The following UBE2D3 variants were observed in gnomAD, a reference collection of about 807,000 sequenced individuals.
UBE2D3 encodes the protein ubiquitin conjugating enzyme E2 D3, also known as ubiquitin-conjugating enzyme E2 D3.
UBE2D3 carries 2 observed loss-of-function variants against 22.8 expected under a neutral mutation model. The observed-to-expected ratio is 0.09, with a 90% CI of 0.04 to 0.28. The LOEUF (loss-of-function observed/expected upper bound fraction) is 0.28, where lower values mean the gene tolerates loss of function less well. Ranked by LOEUF, UBE2D3 falls within the 10% of genes least tolerant of loss-of-function variation. The pLI is 1.00. For missense variants in UBE2D3, 27 were observed against 182.5 expected (o/e 0.15, Z 4.91); for synonymous variants, 56 against 60.4 (o/e 0.93, Z 0.34).
chr4:102,855,510 T>G (rs1341844515), intron 1 of UBE2D3, among the ~76,000 whole-genome samples: 1 of 152,204 alleles, frequency 6.6e-6, no homozygotes, highest in Admixed American at 6.5e-5. Context: ...AGCCTTGAAC[T>G]CTTGGGCTCA....
chr4:102,825,470 T>G, intron 2 of UBE2D3: 3 of 1,152,602 alleles, frequency 2.6e-6, no homozygotes, highest in Non-Finnish European at 3.2e-6. Context: ...CAAATCATAT[T>G]AATTCACATT....
intron 2 of UBE2D3, chr4:102,819,496 A>G (rs1578255403): frequency 1.1e-6 from 1 of 926,968 alleles, no homozygotes; most frequent in East Asian, 1.2e-4. Context: ...CTTTCTTTCA[A>G]TGACAGCCAG....
intron 1 of UBE2D3, among the ~76,000 whole-genome samples, chr4:102,834,328 T>A (rs894949735): frequency 1.3e-5 from 2 of 152,188 alleles, no homozygotes; most frequent in Non-Finnish European, 2.9e-5. Context: ...TATATGATTA[T>A]AAGCAGGCAG....
chr4:102,804,148 T>C (rs1726642731), intron 4 of UBE2D3, among the ~76,000 whole-genome samples: 1 of 151,454 alleles, frequency 6.6e-6, no homozygotes, highest in African/African-American at 2.4e-5. Context: ...GCGGGGGGAA[T>C]GGGAACGGGA....
intron 1 of UBE2D3, among the ~76,000 whole-genome samples, chr4:102,845,891 A>G (rs939630387): frequency 6.6e-6 from 1 of 152,074 alleles, no homozygotes; most frequent in Admixed American, 6.5e-5. Context: ...CCCAGGCTCA[A>G]GCCATTCTCT....
rs1213782241 is a variant in UBE2D3, at chr4:102,823,477, C to T, written c.24+3008G>A. Reference sequence around the variant, plus strand: ...TATAATCATATATAAACACTAAAGTCATACTTCCAGAAATAAAAACCCTTA... The same window carrying T: ...TATAATCATATATAAACACTAAAGTTATACTTCCAGAAATAAAAACCCTTA... On this transcript the variant is annotated intron_variant, in intron 2 of 7. Coordinates refer to ENST00000453744, the MANE Select transcript of UBE2D3 (RefSeq NM_181891.3). Among the ~76,000 whole-genome samples the T allele has an allele frequency of 5.3e-5, 8 of 152,292 alleles. No individual in the cohort carries two copies. The East Asian group carries it at 1.5e-3, about 29-fold the overall frequency.
chr4:102,823,651 T>A lies in UBE2D3; in HGVS notation c.24+2834A>T, dbSNP rs1729983645. Among the ~76,000 whole-genome samples the A allele has an allele frequency of 1.3e-5, 2 of 152,178 alleles. 1 individual carries two copies. The highest frequency in any genetic ancestry group is 4.1e-4 in the South Asian group (2 of 4,836). ...AATTGTCTACAGCTCTCAATACCAATCAACTTGGAGTGCCACTTTTAACTC... is the reference window on the plus strand; with the variant it reads ...AATTGTCTACAGCTCTCAATACCAAACAACTTGGAGTGCCACTTTTAACTC... On this transcript the variant is annotated intron_variant, in intron 2 of 7. Coordinates refer to ENST00000453744, the MANE Select transcript of UBE2D3 (RefSeq NM_181891.3).
In UBE2D3 at chr4:102,827,438, G is replaced by A. The variant is rs1329727667; in HGVS notation, c.-140C>T. The A allele has an allele frequency of 1.0e-6, 1 of 986,050 alleles. No individual in the cohort carries two copies. The highest frequency in any genetic ancestry group is 1.2e-6 in the Non-Finnish European group (1 of 830,150). The allele number at this position is 986,050 out of a possible 1,614,324, so 61.1% of individuals were successfully genotyped here. A position where few individuals can be genotyped will look rare whatever the true frequency, so the allele number is the denominator to read the frequency against. ...ACACCCACGCGTACAGAGGGGCCGGGGCCTCCCTCAAGCTGCGGCCTCGGC... is the reference window on the plus strand; with the variant it reads ...ACACCCACGCGTACAGAGGGGCCGGAGCCTCCCTCAAGCTGCGGCCTCGGC... On this transcript the variant is annotated 5_prime_UTR_variant, in exon 1 of 8. Transcript: ENST00000453744.
intron 1 of UBE2D3, among the ~76,000 whole-genome samples, chr4:102,850,012 A>G (rs1287872689): frequency 6.6e-6 from 1 of 152,244 alleles, no homozygotes. Flanking sequence ...TAATTGGTTA[A>G]TAGCTTTAAA....
At chr4:102,839,471 C>T (rs985492579) in intron 1 of UBE2D3, among the ~76,000 whole-genome samples, 2 of 152,158 alleles carry the variant, frequency 1.3e-5, no homozygotes, top group Non-Finnish European at 2.9e-5. Flanking sequence ...CAGGGTTTCA[C>T]CATATTGCCC....
chr4:102,826,174 A>C (rs969963005), intron 2 of UBE2D3, among the ~76,000 whole-genome samples: 27 of 152,032 alleles, frequency 1.8e-4, no homozygotes, highest in Non-Finnish European at 2.6e-4. Context: ...TCGGACCCCC[A>C]AAAAAACTCC....
intron 6 of UBE2D3, among the ~76,000 whole-genome samples, chr4:102,800,406 A>C (rs1338556578): frequency 1.3e-5 from 2 of 152,102 alleles, no homozygotes; most frequent in Non-Finnish European, 2.9e-5. Flanking sequence ...TAGTTTAATA[A>C]GTTAGCAAAG....
rs770108419 is a variant in UBE2D3 at position 102,801,593 on chromosome 4, T to A, written c.199-34A>T. 14 of 1,499,724 alleles carry A rather than the reference T, an allele frequency of 9.3e-6. No homozygotes were observed. In the Admixed American group the frequency reaches 9.9e-5, roughly 11 times the overall value. 92.9% of individuals were successfully genotyped at this position (1,499,724 alleles called of 1,614,324 possible). ...AAAACTTTTAAGTATTTTATTCAAA[T>A]AAAAACAAACATCTTTTAAAGCAAA... On this transcript the variant is annotated intron_variant, in intron 5 of 7. Transcript: ENST00000453744.
At chr4:102,845,860 G>A (rs1578290089) in intron 1 of UBE2D3, among the ~76,000 whole-genome samples, 1 of 151,338 alleles carries the variant, frequency 6.6e-6, no homozygotes, top group Non-Finnish European at 1.5e-5. Context: ...GTGTGATCTC[G>A]GCTCACTGCA....
chr4:102,835,276 A>T (rs1004286436), intron 1 of UBE2D3, among the ~76,000 whole-genome samples: 5 of 152,206 alleles, frequency 3.3e-5, no homozygotes, highest in African/African-American at 1.2e-4. Context: ...TCCCTAGACA[A>T]TACAGTATAT....
intron 1 of UBE2D3, chr4:102,826,863 G>C (rs937644552): frequency 4.2e-5 from 47 of 1,110,062 alleles, no homozygotes; most frequent in African/African-American, 5.0e-5. Context: ...GAAGAGACCC[G>C]GGTGGGAGAG....
At chr4:102,858,203 A>G (rs1457062110) in intron 1 of UBE2D3, among the ~76,000 whole-genome samples, 3 of 152,060 alleles carry the variant, frequency 2.0e-5, no homozygotes, top group African/African-American at 7.2e-5. Flanking sequence ...ATGATTTGGC[A>G]TATAGTAAGC....
chr4:102,819,930 C>CA (rs1729334288), intron 2 of UBE2D3, among the ~76,000 whole-genome samples: 1 of 152,144 alleles, frequency 6.6e-6, no homozygotes. Context: ...ACTCAAAAGA[C>CA]AAGATTTGTA....
At chr4:102,827,401 C>T (rs1312011228) in intron 1 of UBE2D3, 26 bp downstream of exon 1, 2 of 986,138 alleles carry the variant, frequency 2.0e-6, no homozygotes, top group Admixed American at 1.2e-4. Context: ...CCCTTCCCTG[C>T]CCTAGCCGTC....
Sources: allele counts gnomAD v4.1 joint callset (sites outside exome capture counted in the v4.1 genomes callset), GRCh38; gene constraint gnomAD v4.1.1; transcripts MANE v1.5; gene names NCBI Gene and HGNC (gene_info 2026-07-23, HGNC 2026-07-21).